The following ARHGEF3 variants were observed in gnomAD, a reference collection of about 807,000 sequenced individuals.
ARHGEF3 encodes the protein 59.8 kDA protein.
ARHGEF3 carries 28 observed loss-of-function variants against 63.2 expected under a neutral mutation model. The ratio of observed to expected loss-of-function variants is 0.44; its 90% CI spans 0.33 to 0.61. The LOEUF (loss-of-function observed/expected upper bound fraction) is 0.61, where lower values mean the gene tolerates loss of function less well. Ranked by LOEUF, ARHGEF3 falls within the 20% of genes least tolerant of loss-of-function variation. The pLI is 0.03. For synonymous variants in ARHGEF3, 266 were observed against 254.2 expected (o/e 1.05, Z -0.44); for missense variants, 533 against 659.3 (o/e 0.81, Z 2.10).
chr3:57,003,454 G>C (rs1427544944), intron 2 of ARHGEF3, among the ~76,000 whole-genome samples: 1 of 130,830 alleles, frequency 7.6e-6, no homozygotes, highest in Non-Finnish European at 1.6e-5. Flanking sequence ...ATATCACCAA[G>C]CTCATGAGTG....
chr3:56,839,282 T>G (rs1190288264), intron 4 of ARHGEF3, among the ~76,000 whole-genome samples: 1 of 152,210 alleles, frequency 6.6e-6, no homozygotes, highest in African/African-American at 2.4e-5. Flanking sequence ...TGTATTAGTA[T>G]ATGAGTATTT....
intron 4 of ARHGEF3, among the ~76,000 whole-genome samples, chr3:56,876,512 T>C (rs2040589535): frequency 6.6e-6 from 1 of 152,066 alleles, no homozygotes; most frequent in African/African-American, 2.4e-5. Flanking sequence ...GATTCAAACA[T>C]CTGCCATGTG....
chr3:57,021,578 C>A (rs1042737760), intron 2 of ARHGEF3, among the ~76,000 whole-genome samples: 1 of 151,878 alleles, frequency 6.6e-6, no homozygotes, highest in Admixed American at 6.6e-5. Context: ...CATGGTGAAA[C>A]CCCATCTCTA....
At chr3:56,998,422 T>G (rs950569771) in intron 2 of ARHGEF3, among the ~76,000 whole-genome samples, 2 of 147,782 alleles carry the variant, frequency 1.4e-5, no homozygotes, top group Non-Finnish European at 3.0e-5. Context: ...TTTTTTTTTT[T>G]CCTTCCCTGC....
At chr3:56,908,797 TG>T (rs1243201124) in intron 3 of ARHGEF3, among the ~76,000 whole-genome samples, 1 of 152,188 alleles carries the variant, frequency 6.6e-6, no homozygotes, top group Non-Finnish European at 1.5e-5. Context: ...ATGCTATGTG[TG>T]GTGATTTCTG....
intron 4 of ARHGEF3, among the ~76,000 whole-genome samples, chr3:56,863,485 A>C (rs746930342): frequency 6.6e-6 from 1 of 151,676 alleles, no homozygotes; most frequent in African/African-American, 2.4e-5. Context: ...TTTTTACTAG[A>C]GATGGGGTTT....
At chr3:57,052,583 C>A (rs1333203776) in intron 1 of ARHGEF3, among the ~76,000 whole-genome samples, 1 of 152,034 alleles carries the variant, frequency 6.6e-6, no homozygotes. Flanking sequence ...AGGCGTGAGC[C>A]ACCCCACTCA....
At chr3:56,806,919 C>G (rs985033482), upstream of ARHGEF3, among the ~76,000 whole-genome samples, 24 of 151,370 alleles carry the variant, frequency 1.6e-4, no homozygotes, top group African/African-American at 5.8e-4. Context: ...CAGTCTTGCT[C>G]TGTTGCCTAG....
chr3:57,010,548 G>A (rs981620308), intron 2 of ARHGEF3, among the ~76,000 whole-genome samples: 1 of 151,758 alleles, frequency 6.6e-6, no homozygotes, highest in African/African-American at 2.4e-5. Context: ...TACATATACA[G>A]GTTATTTTAC....
At chr3:56,780,709 T>C (rs1227116853) in intron 1 of ARHGEF3, among the ~76,000 whole-genome samples, 1 of 152,258 alleles carries the variant, frequency 6.6e-6, no homozygotes, top group Non-Finnish European at 1.5e-5. Context: ...GGTTATTTTA[T>C]AGAATGTCTC....
intron 2 of ARHGEF3, among the ~76,000 whole-genome samples, chr3:56,988,551 G>A (rs1701627706): frequency 6.6e-6 from 1 of 152,162 alleles, no homozygotes; most frequent in Admixed American, 6.5e-5. Flanking sequence ...AAGATTAAAA[G>A]TATGTTGGCA....
In ARHGEF3 at chr3:57,042,690, A is replaced by ATTTTTTTT. The variant is rs1271376418; in HGVS notation, c.-27-7515_-27-7514insAAAAAAAA. Among the ~76,000 whole-genome samples the ATTTTTTTT allele has an allele frequency of 3.6e-3, 47 of 13,090 alleles. 3 individuals carry two copies. The highest frequency in any genetic ancestry group is 6.8e-3 in the Admixed American group (5 of 732). 8.6% of individuals were successfully genotyped at this position (13,090 alleles called of 152,430 possible). A position where few individuals can be genotyped will look rare whatever the true frequency, so the allele number is the denominator to read the frequency against. On this transcript the variant is annotated intron_variant, in intron 1 of 12. Transcript: ENST00000338458. ...TATATATATATATATATATATATATATATATATATATTTTTTTTTTTTTTT... is the reference window on the plus strand; with the variant it reads ...TATATATATATATATATATATATATATTTTTTTTTATATATATATTTTTTTTTTTTTTT...
intron 4 of ARHGEF3, among the ~76,000 whole-genome samples, chr3:56,842,001 T>C (rs1460002185): frequency 6.6e-6 from 1 of 152,234 alleles, no homozygotes; most frequent in South Asian, 2.1e-4. Flanking sequence ...TTATCCTTTA[T>C]AGACACTAGC....
rs921749144 is a variant in ARHGEF3 at position 57,054,912 on chromosome 3, A to G, written c.-27-19736T>C. 8.6e-5 allele frequency among the ~76,000 whole-genome samples: 13 copies of G among 151,724 alleles called. 1 individual carries two copies. Among genetic ancestry groups the G allele is most frequent in the Non-Finnish European group, 1.9e-4 (13 of 67,948 alleles). On this transcript the variant is annotated intron_variant, in intron 1 of 12. Transcript: ENST00000338458. ...GATCTGCCCACCCTGGCCTCCCAAA[A>G]TGCTGGGATTACAGGCGTGAGCCAT...
intron 1 of ARHGEF3, among the ~76,000 whole-genome samples, chr3:57,052,574 G>T (rs1704722250): frequency 6.6e-6 from 1 of 152,134 alleles, no homozygotes; most frequent in African/African-American, 2.4e-5. Context: ...TGGGATTACA[G>T]GCGTGAGCCA....
intron 1 of ARHGEF3, among the ~76,000 whole-genome samples, chr3:56,787,332 C>T (rs576532166): frequency 3.3e-5 from 5 of 152,220 alleles, no homozygotes; most frequent in Admixed American, 2.6e-4. Context: ...CGATCAATTG[C>T]GATTAAATAA....
upstream of ARHGEF3, among the ~76,000 whole-genome samples, chr3:56,805,791 C>A (rs1186566524): frequency 6.6e-6 from 1 of 152,118 alleles, no homozygotes; most frequent in Non-Finnish European, 1.5e-5. Context: ...TACTAATGGC[C>A]TGTAACAATT....
intron 2 of ARHGEF3, among the ~76,000 whole-genome samples, chr3:56,983,937 G>GAAAAAA (rs11401240): frequency 8.9e-6 from 1 of 112,536 alleles, no homozygotes; most frequent in African/African-American, 3.5e-5. Context: ...TCCGTCTCGA[G>GAAAAAA]AAAAAAAAAA....
intron 3 of ARHGEF3, among the ~76,000 whole-genome samples, chr3:56,885,751 C>A (rs2108267655): frequency 6.6e-6 from 1 of 152,272 alleles, no homozygotes; most frequent in East Asian, 1.9e-4. Context: ...CATAGACAGT[C>A]AATCTGGGAT....
Sources: gnomAD v4.1 joint callset for allele counts (sites outside exome capture counted in the v4.1 genomes callset) on GRCh38, gnomAD v4.1.1 for gene constraint, MANE v1.5 for transcripts, NCBI Gene and HGNC (gene_info 2026-07-23, HGNC 2026-07-21) for gene names.